The following ROBO1 variants were observed in gnomAD, a reference collection of about 807,000 sequenced individuals.
ROBO1 encodes the protein roundabout homolog 1.
In ROBO1, 149 loss-of-function variants were observed where a neutral mutation model predicts 195.9. The ratio of observed to expected loss-of-function variants is 0.76; its 90% CI spans 0.67 to 0.87. The LOEUF (loss-of-function observed/expected upper bound fraction) is 0.87, where lower values mean the gene tolerates loss of function less well. Ranked by LOEUF, ROBO1 falls within the 40% of genes least tolerant of loss-of-function variation. ROBO1 has a pLI of 0.00. For synonymous variants in ROBO1, 816 were observed against 733.2 expected (o/e 1.11, Z -1.82); for missense variants, 1,933 against 2,068.3 (o/e 0.93, Z 1.27).
intron 2 of ROBO1, among the ~76,000 whole-genome samples, chr3:79,166,864 G>C (rs1488978722): frequency 6.6e-6 from 1 of 152,038 alleles, no homozygotes; most frequent in South Asian, 2.1e-4. Context: ...AATCAGTAAA[G>C]GATTCATAAT....
chr3:79,255,573 C>A (rs969501366), intron 2 of ROBO1, among the ~76,000 whole-genome samples: 6 of 152,068 alleles, frequency 3.9e-5, no homozygotes, highest in Non-Finnish European at 7.4e-5. Context: ...ATAAGCAAAA[C>A]AAAATTATTC....
At chr3:78,635,717 C>T in intron 23 of ROBO1, 56 bp downstream of exon 23, 2 of 1,411,852 alleles carry the variant, frequency 1.4e-6, no homozygotes, top group Non-Finnish European at 2.0e-6. Context: ...AACATCTAGT[C>T]GAGGTGCTGA....
intron 5 of ROBO1, among the ~76,000 whole-genome samples, chr3:78,745,686 C>T (rs1198030790): frequency 1.3e-5 from 2 of 152,164 alleles, no homozygotes; most frequent in East Asian, 3.9e-4. Context: ...ATCCTCACAC[C>T]AATCCCAAGA....
chr3:78,747,475 A>C (rs1380648093), intron 4 of ROBO1, among the ~76,000 whole-genome samples: 1 of 152,180 alleles, frequency 6.6e-6, no homozygotes, highest in Non-Finnish European at 1.5e-5. Context: ...AAGCCATTAC[A>C]TTGAAACTCA....
intron 2 of ROBO1, among the ~76,000 whole-genome samples, chr3:79,180,252 C>A (rs1483101784): frequency 6.6e-6 from 1 of 152,158 alleles, no homozygotes; most frequent in Non-Finnish European, 1.5e-5. Context: ...AACTCTTTCT[C>A]ATTTATTAAT....
chr3:79,041,905 G>T (rs952834960), intron 3 of ROBO1, among the ~76,000 whole-genome samples: 1 of 152,122 alleles, frequency 6.6e-6, no homozygotes, highest in Non-Finnish European at 1.5e-5. Flanking sequence ...ACATAATTTT[G>T]CTCTTAGTTC....
chr3:79,698,386 G>T (rs1215880928), intron 1 of ROBO1, among the ~76,000 whole-genome samples: 4 of 151,294 alleles, frequency 2.6e-5, no homozygotes, highest in African/African-American at 9.7e-5. Flanking sequence ...GATAAGATAG[G>T]TAAGATAGAT....
At chr3:79,000,972 G>C (rs2077487963) in intron 3 of ROBO1, among the ~76,000 whole-genome samples, 1 of 152,054 alleles carries the variant, frequency 6.6e-6, no homozygotes, top group Non-Finnish European at 1.5e-5. Flanking sequence ...TCCTTTGCAG[G>C]GACATGGATG....
intron 2 of ROBO1, among the ~76,000 whole-genome samples, chr3:79,399,148 G>A (rs1419724902): frequency 6.6e-6 from 1 of 152,108 alleles, no homozygotes; most frequent in East Asian, 1.9e-4. Flanking sequence ...GCTCCTCTGA[G>A]GCAGCAGTAA....
intron 26 of ROBO1, among the ~76,000 whole-genome samples, chr3:78,620,907 A>G (rs1018380707): frequency 7.0e-5 from 4 of 56,822 alleles, no homozygotes; most frequent in South Asian, 4.9e-4. Flanking sequence ...GTGTGTGTGT[A>G]TACATATAAG....
chr3:78,912,805 T>C (rs533618189), intron 4 of ROBO1, among the ~76,000 whole-genome samples: 2 of 152,284 alleles, frequency 1.3e-5, no homozygotes, highest in East Asian at 1.9e-4. Flanking sequence ...ATCACATACA[T>C]AATCTGTGAG....
At chr3:78,618,733 T>C (rs530030068) in intron 26 of ROBO1, among the ~76,000 whole-genome samples, 1 of 152,322 alleles carries the variant, frequency 6.6e-6, no homozygotes, top group South Asian at 2.1e-4. Context: ...TTTAAAAATA[T>C]ATTTAAAGGT....
At chr3:79,741,719 T>C (rs1469116926) in intron 1 of ROBO1, among the ~76,000 whole-genome samples, 1 of 152,068 alleles carries the variant, frequency 6.6e-6, no homozygotes, top group Non-Finnish European at 1.5e-5. Flanking sequence ...GAAAAAGACA[T>C]GAAGATGAGA....
intron 2 of ROBO1, among the ~76,000 whole-genome samples, chr3:79,270,982 T>C (rs1300239707): frequency 6.6e-6 from 1 of 151,982 alleles, no homozygotes; most frequent in Non-Finnish European, 1.5e-5. Flanking sequence ...ACTACCATTG[T>C]AACATGATTC....
chr3:78,601,167 C>T (rs1703147380), intron 29 of ROBO1, among the ~76,000 whole-genome samples: 1 of 152,190 alleles, frequency 6.6e-6, no homozygotes, highest in African/African-American at 2.4e-5. Context: ...CCCACCTCCC[C>T]CAAATGCTTC....
chr3:79,382,752 C>T (rs1209124058), intron 2 of ROBO1, among the ~76,000 whole-genome samples: 4 of 152,048 alleles, frequency 2.6e-5, no homozygotes, highest in Admixed American at 6.6e-5. Flanking sequence ...TTTTGATACA[C>T]GATATCTATT....
At chr3:79,444,008 A>G (rs1009500248) in intron 2 of ROBO1, among the ~76,000 whole-genome samples, 1 of 152,102 alleles carries the variant, frequency 6.6e-6, no homozygotes, top group African/African-American at 2.4e-5. Context: ...CTAAATTTAT[A>G]CCAGTCACAA....
chr3:78,776,618 C>G (rs575747806), intron 4 of ROBO1, among the ~76,000 whole-genome samples: 12 of 152,300 alleles, frequency 7.9e-5, no homozygotes, highest in Non-Finnish European at 1.5e-4. Context: ...CCATAAATAA[C>G]AAATAAATCT....
intron 2 of ROBO1, among the ~76,000 whole-genome samples, chr3:79,327,521 T>C (rs1431538421): frequency 1.3e-5 from 2 of 151,922 alleles, no homozygotes; most frequent in East Asian, 3.9e-4. Context: ...ATTCAAATCA[T>C]CAAAACATGT....
Sources: allele counts gnomAD v4.1 joint callset (sites outside exome capture counted in the v4.1 genomes callset), GRCh38; gene constraint gnomAD v4.1.1; transcripts MANE v1.5; gene names NCBI Gene and HGNC (gene_info 2026-07-23, HGNC 2026-07-21).